SOD1: variants seen among roughly 807,000 people sequenced by gnomAD.
The protein encoded by SOD1 is superoxide dismutase [Cu-Zn].
A neutral mutation model predicts 15.9 loss-of-function variants in SOD1; 8 were observed. The observed-to-expected ratio is 0.50, with a 90% CI of 0.30 to 0.91. SOD1 has a LOEUF of 0.91. Among genes scored for constraint, SOD1 ranks in the 40% least tolerant of loss-of-function variants. SOD1 has a pLI of 0.07. For missense variants in SOD1, 137 were observed against 194.5 expected, an observed-to-expected ratio of 0.70 and a Z score of 1.76; for synonymous variants, 86 against 71.2, an observed-to-expected ratio of 1.21 and a Z score of -1.04.
chr21:31,668,308 T>G (rs988515265), intron 4 of SOD1, among the ~76,000 whole-genome samples, 163 bp from the exon 5 acceptor site: 2 of 152,176 alleles, frequency 1.3e-5, no homozygotes, highest in African/African-American at 2.4e-5. Flanking sequence ...AAGCTTTGAG[T>G]AGTAGTTTCT....
intron 1 of SOD1, among the ~76,000 whole-genome samples, chr21:31,662,832 G>A (rs1040253200): frequency 2.6e-5 from 4 of 152,132 alleles, no homozygotes; most frequent in Non-Finnish European, 4.4e-5. Flanking sequence ...GGCTAACACG[G>A]TGAAACCCCG....
intron 2 of SOD1, among the ~76,000 whole-genome samples, chr21:31,665,168 A>T (rs189705998): frequency 7.5e-4 from 114 of 152,228 alleles, no homozygotes; most frequent in East Asian, 4.8e-3. Flanking sequence ...GCTTAAAAAA[A>T]ATTTTTTTAA....
intron 1 of SOD1, chr21:31,661,596 T>A (rs549517711): frequency 6.6e-6 from 1 of 152,458 alleles, no homozygotes; most frequent in South Asian, 2.1e-4. Context: ...TCTGTTGACG[T>A]CGTGATCCAC....
intron 3 of SOD1, chr21:31,666,772 C>T (rs1293463118): frequency 3.8e-6 from 2 of 526,738 alleles, no homozygotes; most frequent in Non-Finnish European, 6.8e-6. Context: ...ATACAAGTGC[C>T]AAAGGGGAAC....
rs778327622 is a variant in SOD1 at position 31,666,485 on chromosome 21, C to A, written c.206C>A (p.Ser69Tyr). The A allele has an allele frequency of 1.2e-6, 2 of 1,612,926 alleles. No homozygotes were observed. The highest frequency in any genetic ancestry group is 2.2e-5 in the East Asian group (1 of 44,866). ...TSAGPHFNPL[S>Y]RKHGGPKDEE... ...GCAGGTCCTCACTTTAATCCTCTAT[C>A]CAGAAAACACGGTGGGCCAAAGGAT... is the stretch of plus-strand genomic sequence containing the variant. Residue 69 changes from serine (S) to tyrosine (Y), a missense_variant, in exon 3 of 5, where the codon TCC becomes TAC. Coordinates refer to ENST00000270142, the MANE Select transcript of SOD1 (RefSeq NM_000454.5).
At position 31,667,303 on chromosome 21, in the gene SOD1, G is replaced by A. The variant is rs998760030; in HGVS notation, c.285G>A (p.Val95=). 1.2e-6 allele frequency: 2 copies of A among 1,614,106 alleles called. No homozygotes were observed. The highest frequency in any genetic ancestry group is 2.2e-5 in the East Asian group (1 of 44,880). ...LGNVTADKDG[V]ADVSIEDSVI... Reference sequence around the variant, plus strand: ...ATGTGACTGCTGACAAAGATGGTGTGGCCGATGTGTCTATTGAAGATTCTG... The same window carrying A: ...ATGTGACTGCTGACAAAGATGGTGTAGCCGATGTGTCTATTGAAGATTCTG... Residue 95 remains valine, a synonymous_variant, in exon 4 of 5, where the codon GTG becomes GTA. Transcript: ENST00000270142.
intron 1 of SOD1, chr21:31,660,624 A>G (rs1330112919): frequency 6.6e-6 from 1 of 152,170 alleles, no homozygotes; most frequent in African/African-American, 2.4e-5. Flanking sequence ...CTTTGGGTGC[A>G]CAGTTAGCTT....
At chr21:31,664,569 G>A (rs1181644766) in intron 2 of SOD1, 1 of 153,906 alleles carries the variant, frequency 6.5e-6, no homozygotes, top group African/African-American at 2.4e-5. Flanking sequence ...AAAAGAAAGG[G>A]AAAGAGTTGA....
At chr21:31,663,469 C>T (rs2049566594) in intron 1 of SOD1, among the ~76,000 whole-genome samples, 1 of 152,232 alleles carries the variant, frequency 6.6e-6, no homozygotes, top group African/African-American at 2.4e-5. Flanking sequence ...TATGAAGTAT[C>T]TAACACTGAT....
chr21:31,666,646 A>G (rs1202980572), intron 3 of SOD1, 128 bp downstream of exon 3: 1 of 760,864 alleles, frequency 1.3e-6, no homozygotes, highest in East Asian at 2.7e-5. Context: ...TTGCTGACTC[A>G]TCTAAACCCC....
chr21:31,662,534 G>T (rs1385890577), intron 1 of SOD1, among the ~76,000 whole-genome samples: 2 of 152,098 alleles, frequency 1.3e-5, no homozygotes, highest in South Asian at 4.1e-4. Flanking sequence ...ATGTAGCCAC[G>T]GAGCACCATT....
rs2049623471 is a variant in SOD1 at position 31,668,803 on chromosome 21, A to G, written c.*225A>G. 1.2e-5 allele frequency: 6 copies of G among 516,608 alleles called. No individual in the cohort carries two copies. In the Admixed American group the frequency reaches 1.9e-4, roughly 17 times the overall value. The allele number at this position is 516,608 out of a possible 1,614,324, so 32.0% of individuals were successfully genotyped here. On this transcript the variant is annotated 3_prime_UTR_variant, in exon 5 of 5. Transcript: ENST00000270142. ...TAAAATGTCTGTTTCAATGACCTGTATTTTGCCAGACTTAAATCACAGATG... is the reference window on the plus strand; with the variant it reads ...TAAAATGTCTGTTTCAATGACCTGTGTTTTGCCAGACTTAAATCACAGATG...
intron 2 of SOD1, among the ~76,000 whole-genome samples, chr21:31,664,738 C>T (rs538674132): frequency 5.9e-4 from 90 of 152,118 alleles, no homozygotes; most frequent in Non-Finnish European, 1.2e-3. Flanking sequence ...CCTGCCTCAG[C>T]CCCCTGAGTA....
chr21:31,666,537 C>T lies in SOD1; in HGVS notation c.239+19C>T. ...AAGAGAGGTAACAAGATGCTTAACT[C>T]TTGTAATAATGGCGATAGCTTTCTG... On this transcript the variant is annotated intron_variant, in intron 3 of 4. Transcript: ENST00000270142. 3 of 1,562,694 alleles carry T rather than the reference C, an allele frequency of 1.9e-6. No homozygotes were observed. Among genetic ancestry groups the T allele is most frequent in the Non-Finnish European group, 2.6e-6 (3 of 1,134,026 alleles).
At chr21:31,663,760 A>G (rs754332268) in intron 1 of SOD1, 30 bp from the exon 2 acceptor site, 3 of 1,520,734 alleles carry the variant, frequency 2.0e-6, no homozygotes, top group Non-Finnish European at 2.7e-6. Flanking sequence ...TTGTTCAGAA[A>G]CTCTCTCCAA....
intron 1 of SOD1, among the ~76,000 whole-genome samples, chr21:31,660,969 AAAATATACAG>A (rs1248635692): frequency 1.3e-5 from 2 of 152,222 alleles, no homozygotes; most frequent in Non-Finnish European, 2.9e-5. Context: ...CGACTCTTGT[AAAATATACAG>A]AAATATTTTC....
Position 31,665,970 on chromosome 21 carries a change from GTTT to G in SOD1, c.170-462_170-460del, listed in dbSNP as rs397866461. The stretch of plus-strand genomic sequence containing the variant: ...CAGACAGTAGTTAGAACTTGGTGGG[GTTT>G]TTTTTTTTTTTTTTTTGAGATGGAG... On this transcript the variant is annotated intron_variant, in intron 2 of 4. Coordinates refer to ENST00000270142, the MANE Select transcript of SOD1 (RefSeq NM_000454.5). Among the ~76,000 whole-genome samples, 452 of 128,278 alleles carry G rather than the reference GTTT, an allele frequency of 3.5e-3. 2 individuals carry two copies. The highest frequency in any genetic ancestry group is 0.012 in the African/African-American group (409 of 32,858). The allele number at this position is 128,278 out of a possible 152,430, so 84.2% of individuals were successfully genotyped here.
At position 31,667,280 on chromosome 21, in the gene SOD1, G is replaced by C; in HGVS notation, c.262G>C (p.Val88Leu). ...EERHVGDLGN[V>L]TADKDGVADV... ...TAGGCATGTTGGAGACTTGGGCAAT[G>C]TGACTGCTGACAAAGATGGTGTGGC... is the stretch of plus-strand genomic sequence containing the variant. The change falls in exon 4 of 5, where the codon GTG becomes CTG. Residue 88 changes from valine to leucine, a missense_variant. Val to Leu is a conservative substitution (Grantham distance 32, BLOSUM62 1). Transcript: ENST00000270142. 2 of 1,614,078 alleles carry C rather than the reference G, an allele frequency of 1.2e-6. No homozygotes were observed. Among genetic ancestry groups the C allele is most frequent in the South Asian group, 1.1e-5 (1 of 91,080 alleles).
chr21:31,667,866 C>G (rs1217940019), intron 4 of SOD1, among the ~76,000 whole-genome samples: 2 of 152,178 alleles, frequency 1.3e-5, no homozygotes, highest in African/African-American at 2.4e-5. Context: ...TAGACAGGCT[C>G]TCTTTTACCT....
Sources: gnomAD v4.1 joint callset for allele counts (sites outside exome capture counted in the v4.1 genomes callset) on GRCh38, gnomAD v4.1.1 for gene constraint, MANE v1.5 for transcripts, NCBI Gene and HGNC (gene_info 2026-07-23, HGNC 2026-07-21) for gene names.